Variants in PDE1C observed in about 807,000 individuals in gnomAD.
The protein encoded by PDE1C is dual specificity calcium/calmodulin-dependent 3',5'-cyclic nucleotide phosphodiesterase 1C.
PDE1C carries 62 observed loss-of-function variants against 93.1 expected under a neutral mutation model. That is an observed-to-expected ratio of 0.67 (90% CI 0.54 to 0.82). PDE1C has a LOEUF of 0.82. Ranked by LOEUF, PDE1C falls within the 40% of genes least tolerant of loss-of-function variation. The pLI is 0.00. For missense variants in PDE1C, 742 were observed against 884.6 expected, an observed-to-expected ratio of 0.84 and a Z score of 2.04; for synonymous variants, 325 against 310.1, an observed-to-expected ratio of 1.05 and a Z score of -0.50.
intron 1 of PDE1C, among the ~76,000 whole-genome samples, chr7:32,317,843 C>T (rs922503934): frequency 1.3e-5 from 2 of 152,164 alleles, no homozygotes; most frequent in Non-Finnish European, 2.9e-5. Context: ...GTCTGGCACA[C>T]AGTAACCACT....
At chr7:32,140,956 A>G (rs1295097824) in intron 3 of PDE1C, among the ~76,000 whole-genome samples, 3 of 152,234 alleles carry the variant, frequency 2.0e-5, no homozygotes, top group Non-Finnish European at 4.4e-5. Flanking sequence ...TCTCTCTCTT[A>G]CCTGTGGAAT....
intron 5 of PDE1C, among the ~76,000 whole-genome samples, chr7:31,875,774 T>A (rs1246722602): frequency 1.7e-5 from 2 of 120,992 alleles, no homozygotes; most frequent in African/African-American, 6.4e-5. Context: ...GTAGAACACC[T>A]CAAGTTAGAA....
chr7:31,979,296 A>C (rs1038960202), intron 2 of PDE1C, among the ~76,000 whole-genome samples: 3 of 152,180 alleles, frequency 2.0e-5, no homozygotes, highest in Non-Finnish European at 2.9e-5. Flanking sequence ...CAACCATGAG[A>C]ATTGGACCAG....
intron 1 of PDE1C, among the ~76,000 whole-genome samples, chr7:32,380,415 T>A (rs979323002): frequency 1.3e-5 from 2 of 150,256 alleles, no homozygotes; most frequent in African/African-American, 4.9e-5. Flanking sequence ...TTTTTTTTTT[T>A]TTTTGTATTT....
the PDE1C span, among the ~76,000 whole-genome samples, chr7:31,681,370 CGGATGGATGGATGGAT>C: frequency 3.4e-3 from 178 of 52,684 alleles, 1 homozygote; most frequent in African/African-American, 9.9e-3. Context: ...GATGGATGGA[CGGATGGATGGATGGAT>C]GGATGGATGG....
chr7:32,212,018 C>A (rs149323380), intron 1 of PDE1C, among the ~76,000 whole-genome samples: 2 of 107,134 alleles, frequency 1.9e-5, no homozygotes, highest in East Asian at 2.8e-4. Context: ...AGAACGAGAA[C>A]CTATCTCAAA....
intron 8 of PDE1C, among the ~76,000 whole-genome samples, chr7:31,850,206 C>A (rs1466104548): frequency 6.6e-6 from 1 of 152,024 alleles, no homozygotes; most frequent in Non-Finnish European, 1.5e-5. Flanking sequence ...GAGAAGAGAT[C>A]TCATCAGAAT....
chr7:31,648,047 GT>G, the PDE1C span, among the ~76,000 whole-genome samples: 1 of 151,974 alleles, frequency 6.6e-6, no homozygotes, highest in Non-Finnish European at 1.5e-5. Flanking sequence ...ATTTTAAAAA[GT>G]GTTAATTCAA....
At chr7:31,715,602 C>G in the PDE1C span, among the ~76,000 whole-genome samples, 1 of 152,180 alleles carries the variant, frequency 6.6e-6, no homozygotes, top group Admixed American at 6.5e-5. Context: ...TATTTTGAGT[C>G]TGTCTTCTCC....
the PDE1C span, among the ~76,000 whole-genome samples, chr7:31,618,197 G>A: frequency 3.9e-5 from 6 of 152,244 alleles, no homozygotes; most frequent in African/African-American, 1.2e-4. Flanking sequence ...CTTAAGATCA[G>A]CCTTTTCACT....
chr7:31,763,668 C>T (rs1465028877), intron 17 of PDE1C, among the ~76,000 whole-genome samples: 2 of 152,354 alleles, frequency 1.3e-5, no homozygotes, highest in East Asian at 3.9e-4. Flanking sequence ...TGTGCCATTG[C>T]ACAGTACACA....
intron 2 of PDE1C, among the ~76,000 whole-genome samples, chr7:31,995,881 T>A (rs1376062839): frequency 6.6e-6 from 1 of 152,062 alleles, no homozygotes; most frequent in African/African-American, 2.4e-5. Flanking sequence ...TGGCCCACAT[T>A]CCCTCCATCT....
At chr7:32,052,969 C>T (rs777771886) in intron 1 of PDE1C, among the ~76,000 whole-genome samples, 16 of 151,928 alleles carry the variant, frequency 1.1e-4, no homozygotes, top group Admixed American at 3.3e-4. Context: ...TATGGATACA[C>T]CTAGTTACAT....
upstream of PDE1C, among the ~76,000 whole-genome samples, chr7:32,072,516 T>A (rs946264519): frequency 4.6e-5 from 7 of 152,304 alleles, no homozygotes; most frequent in Non-Finnish European, 5.9e-5. Flanking sequence ...TAGTGACGTG[T>A]TTTGAGAATG....
intron 1 of PDE1C, among the ~76,000 whole-genome samples, chr7:32,290,565 G>A (rs1414235299): frequency 1.3e-5 from 2 of 152,320 alleles, no homozygotes; most frequent in East Asian, 3.9e-4. Flanking sequence ...AGAGGTGAAT[G>A]ATCATTCCCC....
intron 3 of PDE1C, among the ~76,000 whole-genome samples, chr7:32,148,085 C>T (rs148540567): frequency 2.0e-5 from 3 of 150,626 alleles, no homozygotes; most frequent in African/African-American, 4.9e-5. Context: ...GCTGAACTCC[C>T]TGCTGGTGGA....
chr7:31,854,230 T>C (rs1793717499), intron 7 of PDE1C, among the ~76,000 whole-genome samples: 2 of 152,164 alleles, frequency 1.3e-5, no homozygotes, highest in East Asian at 1.9e-4. Flanking sequence ...TGATATTAGA[T>C]AGCATCATTA....
chr7:32,090,906 G>C (rs980463673), intron 3 of PDE1C, among the ~76,000 whole-genome samples: 5 of 152,132 alleles, frequency 3.3e-5, no homozygotes, highest in Admixed American at 1.3e-4. Flanking sequence ...GCTCTTTTTA[G>C]CATTACAAGA....
At chr7:31,764,000 T>C (rs2128612380) in intron 17 of PDE1C, among the ~76,000 whole-genome samples, 1 of 148,538 alleles carries the variant, frequency 6.7e-6, no homozygotes, top group African/African-American at 2.4e-5. Context: ...TATTTTTATA[T>C]ATATATTTTA....
Sources: gnomAD v4.1 joint callset for allele counts (sites outside exome capture counted in the v4.1 genomes callset) on GRCh38, gnomAD v4.1.1 for gene constraint, MANE v1.5 for transcripts, NCBI Gene and HGNC (gene_info 2026-07-23, HGNC 2026-07-21) for gene names.